KDM2B: variants seen among roughly 807,000 people sequenced by gnomAD.
KDM2B encodes the protein lysine demethylase 2B.
Under a neutral mutation model 150.0 loss-of-function variants are expected in KDM2B, and 26 were observed. That is an observed-to-expected ratio of 0.17 (90% CI 0.13 to 0.24). KDM2B has a LOEUF of 0.24. Ranked by LOEUF, KDM2B falls within the 10% of genes least tolerant of loss-of-function variation. The probability of loss-of-function intolerance (pLI) is 1.00; values close to 1 mark genes in which losing one functional copy is unlikely to be tolerated. For missense variants in KDM2B, 1,265 were observed against 1,816.9 expected, an observed-to-expected ratio of 0.70 and a Z score of 5.52; for synonymous variants, 734 against 729.5, an observed-to-expected ratio of 1.01 and a Z score of -0.10.
intron 11 of KDM2B, among the ~76,000 whole-genome samples, chr12:121,498,439 AC>A (rs782708848): frequency 2.6e-5 from 4 of 152,354 alleles, no homozygotes; most frequent in East Asian, 1.9e-4. Flanking sequence ...TGAAAAGCCC[AC>A]CAGATCTTTA....
chr12:121,542,287 G>C (rs4981004), intron 6 of KDM2B, among the ~76,000 whole-genome samples: 94,913 of 152,126 alleles, frequency 0.62, 31,756 homozygotes, highest in African/African-American at 0.88. Flanking sequence ...GCCCATAGAG[G>C]CTTCAGCTGA....
intron 4 of KDM2B, among the ~76,000 whole-genome samples, chr12:121,559,738 TA>T (rs202018578): frequency 2.0e-5 from 3 of 151,478 alleles, no homozygotes; most frequent in Admixed American, 6.6e-5. Flanking sequence ...CCGTCTCTAC[TA>T]AAAAAAACAC....
chr12:121,415,384 G>A, the KDM2B span: 2 of 272,680 alleles, frequency 7.3e-6, no homozygotes, highest in South Asian at 3.0e-5. Flanking sequence ...ACTTCAGGAG[G>A]CCAAGGTAGG....
chr12:121,577,553 A>C (rs868979024), intron 2 of KDM2B, among the ~76,000 whole-genome samples: 1 of 152,120 alleles, frequency 6.6e-6, no homozygotes, highest in South Asian at 2.1e-4. Flanking sequence ...CACAAAAGAG[A>C]AATCGCAAAA....
At chr12:121,436,427 G>A (rs149786338) in intron 22 of KDM2B, among the ~76,000 whole-genome samples, 2,435 of 151,958 alleles carry the variant, frequency 0.016, 62 homozygotes, top group African/African-American at 0.056. Context: ...AGGCTGAGGC[G>A]GGAGAATGGC....
intron 22 of KDM2B, among the ~76,000 whole-genome samples, chr12:121,434,631 G>A (rs782262054): frequency 2.0e-5 from 3 of 152,048 alleles, no homozygotes; most frequent in Non-Finnish European, 4.4e-5. Flanking sequence ...AATAAATGTT[G>A]CTGGAAAAAT....
Position 121,520,892 on chromosome 12 carries a change from T to A in KDM2B, c.1047+93A>T. ...GGAATCGGGAGGGAGAGGGGAACTG[T>A]GGAGGACTTCAGTATGACCTGTCCC... On this transcript the variant is annotated intron_variant, in intron 9 of 22. Coordinates refer to ENST00000377071, the MANE Select transcript of KDM2B (RefSeq NM_032590.5). The surrounding 1 kb of genome is among the most constrained non-coding windows in gnomAD (Gnocchi z 4.5). The A allele has an allele frequency of 1.3e-6, 1 of 781,320 alleles. No individual in the cohort carries two copies. Among genetic ancestry groups the A allele is most frequent in the Non-Finnish European group, 2.1e-6 (1 of 482,894 alleles). The allele number at this position is 781,320 out of a possible 1,614,324, so 48.4% of individuals were successfully genotyped here.
At position 121,442,513 on chromosome 12, in the gene KDM2B, C is replaced by T; in HGVS notation, c.2928G>A (p.Glu976=). ...ANENQQPIKS[E]PESEGEEPKR... is the part of the protein sequence containing the mutation. Reference sequence around the variant, plus strand: ...TGGGCTCCTCGCCCTCGCTCTCAGGCTCCGACTTGATGGGCTGCTGGTTCT... The same window carrying T: ...TGGGCTCCTCGCCCTCGCTCTCAGGTTCCGACTTGATGGGCTGCTGGTTCT... The change falls in exon 19 of 23, where the codon GAG becomes GAA. Residue 976 remains glutamate (E), a synonymous_variant. Transcript: ENST00000377071. This position sits in a 1 kb window ranked among gnomAD's most constrained non-coding sequence, Gnocchi z 7.7. 4 of 1,599,608 alleles carry T rather than the reference C, an allele frequency of 2.5e-6. No individual in the cohort carries two copies. Among genetic ancestry groups the T allele is most frequent in the South Asian group, 1.1e-5 (1 of 91,070 alleles).
intron 4 of KDM2B, among the ~76,000 whole-genome samples, chr12:121,573,126 A>T (rs535031062): frequency 3.9e-4 from 53 of 134,466 alleles, no homozygotes; most frequent in African/African-American, 1.1e-3. Context: ...GCCCGGCCTA[A>T]TTTTTTTTTT....
rs1555317322 is a variant in KDM2B at position 121,578,810 on chromosome 12, T to A, written c.263A>T (p.Glu88Val). The A allele has an allele frequency of 3.8e-6, 6 of 1,581,476 alleles. No homozygotes were observed. Among genetic ancestry groups the A allele is most frequent in the Non-Finnish European group, 5.2e-6 (6 of 1,162,116 alleles). ...LYQGDFVHAM[E>V]GKDFNYEYVQ... ...GGGTGGGGGCGCCTCACCTTTGCCC[T>A]CCATGGCGTGCACGAAGTCCCCCTG... is the stretch of plus-strand genomic sequence containing the variant. The change falls in exon 2 of 23, where the codon GAG (glutamate) becomes GTG (valine). Residue 88 changes from glutamate to valine, a missense_variant. Physicochemically the swap from Glu to Val is moderately radical, Grantham distance 121. Around this residue, in one of 11 missense-constraint regions of KDM2B, gnomAD observed 214 missense variants for 447.4 expected, o/e 0.48. Coordinates refer to ENST00000377071, the MANE Select transcript of KDM2B (RefSeq NM_032590.5).
At chr12:121,506,374 A>G (rs1484019603) in intron 11 of KDM2B, among the ~76,000 whole-genome samples, 2 of 152,036 alleles carry the variant, frequency 1.3e-5, no homozygotes, top group African/African-American at 4.8e-5. Flanking sequence ...CCTGTTCTGG[A>G]AGAGGTGATG....
intron 8 of KDM2B, among the ~76,000 whole-genome samples, chr12:121,525,489 C>T (rs2141300965): frequency 1.3e-5 from 2 of 152,276 alleles, no homozygotes; most frequent in South Asian, 4.1e-4. Context: ...GGTGATCCGC[C>T]CACCTCAGCC....
chr12:121,550,288 C>T (rs1422952325), intron 4 of KDM2B, among the ~76,000 whole-genome samples: 2 of 142,746 alleles, frequency 1.4e-5, no homozygotes, highest in African/African-American at 5.3e-5. Context: ...CCAGCCTGGG[C>T]AACAGAGCAA....
Position 121,443,012 on chromosome 12 carries a change from C to T in KDM2B, c.2584G>A (p.Asp862Asn). 1 of 1,613,326 alleles carries T rather than the reference C, an allele frequency of 6.2e-7. No homozygotes were observed. The highest frequency in any genetic ancestry group is 8.5e-7 in the Non-Finnish European group (1 of 1,179,686). The stretch of plus-strand genomic sequence containing the variant: ...GGTACCTTTTTCCTGAAAAGCTTAT[C>T]TTCTTTGCCAGGTTTGAGCTGTCAC... Reference protein sequence around the residue: ...FQQQLKPGKEDKLFRKKRRSW... With the variant: ...FQQQLKPGKENKLFRKKRRSW... The change falls in exon 18 of 23, where the codon GAT becomes AAT. Residue 862 changes from aspartate (D) to asparagine (N), a missense_variant. Physicochemically the swap from Asp to Asn is conservative, Grantham distance 23. Around this residue, in one of 11 missense-constraint regions of KDM2B, gnomAD observed 418 missense variants for 402.4 expected, o/e 1.04. Transcript: ENST00000377071.
chr12:121,447,433 C>T (rs1876463253), intron 13 of KDM2B, among the ~76,000 whole-genome samples: 1 of 151,554 alleles, frequency 6.6e-6, no homozygotes, highest in South Asian at 2.1e-4. Flanking sequence ...AGTAGAGATG[C>T]GGGGTTTCAC....
In KDM2B at chr12:121,468,521, A is replaced by G. The variant is rs1880375515; in HGVS notation, c.1735-15177T>C. The G allele has an allele frequency of 6.6e-6, 1 of 152,248 alleles. No individual in the cohort carries two copies. Among genetic ancestry groups the G allele is most frequent in the African/African-American group, 2.4e-5 (1 of 41,460 alleles). 9.4% of individuals were successfully genotyped at this position (152,248 alleles called of 1,614,324 possible). Reference sequence around the variant, plus strand: ...ACCTGTTCAGTTTCTCCATCTATACAAGGGGAAGGATTTACCAAGGGATGG... The same window carrying G: ...ACCTGTTCAGTTTCTCCATCTATACGAGGGGAAGGATTTACCAAGGGATGG... On this transcript the variant is annotated intron_variant, in intron 12 of 22. Coordinates refer to ENST00000377071, the MANE Select transcript of KDM2B (RefSeq NM_032590.5). This position sits in a 1 kb window ranked among gnomAD's most constrained non-coding sequence, Gnocchi z 4.0.
At chr12:121,431,699 A>G (rs899787398) in intron 22 of KDM2B, among the ~76,000 whole-genome samples, 23 of 152,220 alleles carry the variant, frequency 1.5e-4, no homozygotes, top group Middle Eastern at 3.4e-3. Flanking sequence ...TGGCCTCCAC[A>G]TCAGCACAGA....
chr12:121,500,324 C>T (rs1219033668), intron 11 of KDM2B, among the ~76,000 whole-genome samples: 1 of 152,158 alleles, frequency 6.6e-6, no homozygotes, highest in Non-Finnish European at 1.5e-5. Flanking sequence ...ACACGCCCGT[C>T]CCCTCCGAAA....
intron 9 of KDM2B, among the ~76,000 whole-genome samples, chr12:121,515,534 A>C: frequency 1.1e-5 from 1 of 92,058 alleles, no homozygotes; most frequent in African/African-American, 4.7e-5. Flanking sequence ...CCCGAATCAC[A>C]CTTGCCCACC....
Sources: allele counts gnomAD v4.1 joint callset (sites outside exome capture counted in the v4.1 genomes callset), GRCh38; gene constraint gnomAD v4.1.1; regional missense constraint gnomAD v4.1.1; non-coding constraint Gnocchi (gnomAD v3.1); transcripts MANE v1.5; gene names NCBI Gene and HGNC (gene_info 2026-07-23, HGNC 2026-07-21).